B3GAT2: variants seen among roughly 807,000 people sequenced by gnomAD.
B3GAT2 encodes galactosylgalactosylxylosylprotein 3-beta-glucuronosyltransferase 2.
In B3GAT2, 26 loss-of-function variants were observed where a neutral mutation model predicts 27.8. The ratio of observed to expected loss-of-function variants is 0.93; its 90% CI spans 0.68 to 1.30. The LOEUF (loss-of-function observed/expected upper bound fraction) is 1.30, where lower values mean the gene tolerates loss of function less well. B3GAT2 is among the 50% of genes most tolerant of loss of function. The pLI, the probability that B3GAT2 is intolerant of heterozygous loss-of-function variation, is 0.00. For missense variants in B3GAT2, 458 were observed against 459.0 expected, an observed-to-expected ratio of 1.00 and a Z score of 0.02; for synonymous variants, 218 against 195.1, an observed-to-expected ratio of 1.12 and a Z score of -0.98.
chr6:70,921,065 T>C (rs1190257163), intron 1 of B3GAT2, among the ~76,000 whole-genome samples: 1 of 152,196 alleles, frequency 6.6e-6, no homozygotes, highest in Non-Finnish European at 1.5e-5. Context: ...ATTTTTTCTT[T>C]GATGTTGACG....
chr6:70,945,397 A>C (rs1765463763), intron 1 of B3GAT2, among the ~76,000 whole-genome samples: 1 of 152,202 alleles, frequency 6.6e-6, no homozygotes, highest in African/African-American at 2.4e-5. Context: ...TGGAGCTGAA[A>C]GCCAAGGCTC....
chr6:70,936,575 A>C (rs1765284151), intron 1 of B3GAT2, among the ~76,000 whole-genome samples: 1 of 152,160 alleles, frequency 6.6e-6, no homozygotes, highest in Admixed American at 6.5e-5. Context: ...AGTGCAATCA[A>C]ACTAGAACTC....
intron 1 of B3GAT2, among the ~76,000 whole-genome samples, chr6:70,937,268 C>A (rs1582393132): frequency 6.6e-6 from 1 of 151,152 alleles, no homozygotes; most frequent in African/African-American, 2.4e-5. Flanking sequence ...CAATAGCTTA[C>A]CAACCAAAAA....
intron 1 of B3GAT2, among the ~76,000 whole-genome samples, chr6:70,903,779 T>C (rs1772550194): frequency 6.6e-6 from 1 of 152,128 alleles, no homozygotes; most frequent in Non-Finnish European, 1.5e-5. Context: ...TTAGGTCTCA[T>C]ATACATTCTT....
intron 2 of B3GAT2, 43 bp from the exon 3 acceptor site, chr6:70,862,021 G>T (rs570483837): frequency 1.3e-6 from 2 of 1,524,258 alleles, no homozygotes; most frequent in African/African-American, 1.4e-5. Context: ...TAAAATCCTG[G>T]TGTACTTCTC....
At chr6:70,869,538 TAA>T (rs1325337984) in intron 2 of B3GAT2, among the ~76,000 whole-genome samples, 1 of 152,208 alleles carries the variant, frequency 6.6e-6, no homozygotes, top group Non-Finnish European at 1.5e-5. Context: ...ATAACAATAT[TAA>T]GTCTTCTAAT....
chr6:70,874,593 C>T (rs1236582557), intron 2 of B3GAT2, among the ~76,000 whole-genome samples: 2 of 152,174 alleles, frequency 1.3e-5, no homozygotes, highest in African/African-American at 4.8e-5. Flanking sequence ...TATGTCAGAG[C>T]TTTTCAAATG....
Position 70,857,125 on chromosome 6 carries a change from A to G in B3GAT2, c.*4538T>C. On this transcript the variant is annotated 3_prime_UTR_variant, in exon 4 of 4. Transcript: ENST00000230053. ...TCAATTATATATCTTTTATTGTTCC[A>G]TGTAGTGAGTGCTTTTGTTGTTGCA... is the stretch of plus-strand genomic sequence containing the variant. The G allele has an allele frequency of 8.1e-7, 1 of 1,238,260 alleles. No individual in the cohort carries two copies. The highest frequency in any genetic ancestry group is 2.6e-5 in the East Asian group (1 of 38,044). The allele number at this position is 1,238,260 out of a possible 1,614,324, so 76.7% of individuals were successfully genotyped here.
chr6:70,923,867 A>G (rs897308088), intron 1 of B3GAT2, among the ~76,000 whole-genome samples: 2 of 152,198 alleles, frequency 1.3e-5, no homozygotes, highest in Non-Finnish European at 2.9e-5. Context: ...ATGCTGTATC[A>G]TATTTTTAAG....
chr6:70,888,224 ATT>A (rs11326571), intron 2 of B3GAT2, among the ~76,000 whole-genome samples: 15 of 144,272 alleles, frequency 1.0e-4, no homozygotes, highest in East Asian at 4.0e-4. Flanking sequence ...AGGTGATGTG[ATT>A]TTTTTTTTTT....
chr6:70,942,981 A>C (rs2150050113), intron 1 of B3GAT2, among the ~76,000 whole-genome samples: 1 of 152,314 alleles, frequency 6.6e-6, no homozygotes, highest in East Asian at 1.9e-4. Flanking sequence ...AAGGAACAAC[A>C]GTCTTAGATT....
intron 2 of B3GAT2, among the ~76,000 whole-genome samples, chr6:70,863,068 C>T (rs117990518): frequency 0.023 from 3,558 of 152,276 alleles, 51 homozygotes; most frequent in Non-Finnish European, 0.037. Flanking sequence ...TTTTTGCCAT[C>T]TCAGCAAGTA....
Position 70,861,385 on chromosome 6 carries a change from T to C in B3GAT2, c.*278A>G, listed in dbSNP as rs1771720523. On this transcript the variant is annotated 3_prime_UTR_variant, in exon 4 of 4. Transcript: ENST00000230053. ...AAAATATATACTCAAGAGTGGTATC[T>C]TGCAGTATCGGCACTGTACAAAAAA... 7.9e-6 allele frequency: 3 copies of C among 381,488 alleles called. No homozygotes were observed. In the East Asian group the frequency reaches 1.4e-4, roughly 17 times the overall value. 23.6% of individuals were successfully genotyped at this position (381,488 alleles called of 1,614,324 possible).
At chr6:70,867,727 T>C (rs918653306) in intron 2 of B3GAT2, among the ~76,000 whole-genome samples, 74 of 152,234 alleles carry the variant, frequency 4.9e-4, no homozygotes, top group African/African-American at 1.6e-3. Context: ...TGGTAAATTC[T>C]ACCAAGCATT....
intron 1 of B3GAT2, among the ~76,000 whole-genome samples, chr6:70,949,791 C>G (rs1454877843): frequency 6.6e-6 from 1 of 151,500 alleles, no homozygotes; most frequent in African/African-American, 2.4e-5. Flanking sequence ...ATAGCAAAGA[C>G]TTGGAACCAA....
chr6:70,941,784 C>T (rs995190012), intron 1 of B3GAT2, among the ~76,000 whole-genome samples: 10 of 152,122 alleles, frequency 6.6e-5, no homozygotes, highest in Non-Finnish European at 1.5e-4. Context: ...TTCCAAGTGT[C>T]TTATAATTCA....
Position 70,885,158 on chromosome 6 carries a change from A to G in B3GAT2, c.736+8970T>C, listed in dbSNP as rs368074527. The stretch of plus-strand genomic sequence containing the variant: ...CTCTTAGGAAAGTCGAGGTGGTGAA[A>G]AAGGACATTTGCCCCCTTGTGACTT... On this transcript the variant is annotated intron_variant, in intron 2 of 3. Transcript: ENST00000230053. Among the ~76,000 whole-genome samples, 4 of 152,292 alleles carry G rather than the reference A, an allele frequency of 2.6e-5. No homozygotes were observed. In the East Asian group the frequency reaches 7.7e-4, roughly 29 times the overall value.
chr6:70,925,999 T>C (rs1238780236), intron 1 of B3GAT2, among the ~76,000 whole-genome samples: 1 of 152,238 alleles, frequency 6.6e-6, no homozygotes, highest in African/African-American at 2.4e-5. Context: ...TTTGTTGTTC[T>C]GCAGCCTCTG....
At chr6:70,871,802 G>C (rs768304919) in intron 2 of B3GAT2, among the ~76,000 whole-genome samples, 2 of 151,668 alleles carry the variant, frequency 1.3e-5, no homozygotes, top group Non-Finnish European at 3.0e-5. Flanking sequence ...TTATTGATTT[G>C]AGATCTTTCT....
Sources: allele counts gnomAD v4.1 joint callset (sites outside exome capture counted in the v4.1 genomes callset), GRCh38; gene constraint gnomAD v4.1.1; transcripts MANE v1.5; gene names NCBI Gene and HGNC (gene_info 2026-07-23, HGNC 2026-07-21).